Variants in THADA observed in about 807,000 individuals in gnomAD.
The protein encoded by THADA is THADA armadillo repeat containing, also known as tRNA (32-2'-O)-methyltransferase regulator THADA.
A neutral mutation model predicts 219.8 loss-of-function variants in THADA; 213 were observed. That is an observed-to-expected ratio of 0.97 (90% CI 0.87 to 1.09). The LOEUF is 1.09. Ranked by LOEUF, THADA falls within the 50% of genes least tolerant of loss-of-function variation. The pLI is 0.00. For missense variants in THADA, 2,956 were observed against 2,311.3 expected (o/e 1.28, Z -5.72); for synonymous variants, 1,018 against 828.9 (o/e 1.23, Z -3.92).
At chr2:43,428,916 A>G (rs920133663) in intron 27 of THADA, among the ~76,000 whole-genome samples, 1 of 152,216 alleles carries the variant, frequency 6.6e-6, no homozygotes, top group Non-Finnish European at 1.5e-5. Flanking sequence ...AGGCCAGAAA[A>G]GCACATTAGC....
intron 31 of THADA, among the ~76,000 whole-genome samples, chr2:43,293,822 G>C (rs1675038054): frequency 6.6e-6 from 1 of 152,054 alleles, no homozygotes; most frequent in Non-Finnish European, 1.5e-5. Flanking sequence ...CAAATGATGG[G>C]GTCACTGTCT....
At chr2:43,351,939 A>T (rs1388410578) in intron 29 of THADA, among the ~76,000 whole-genome samples, 1 of 152,252 alleles carries the variant, frequency 6.6e-6, no homozygotes, top group Non-Finnish European at 1.5e-5. Context: ...AGCTGTTCGT[A>T]AGGGCAAGGT....
intron 36 of THADA, among the ~76,000 whole-genome samples, chr2:43,245,257 C>A (rs1450313652): frequency 6.8e-6 from 1 of 146,692 alleles, no homozygotes; most frequent in African/African-American, 2.6e-5. Flanking sequence ...ACTGCAACCT[C>A]TGCCTTGTGG....
rs1285893961 is a variant in THADA, at chr2:43,333,467, T to TA, written c.4343+10654dup. Among the ~76,000 whole-genome samples the TA allele has an allele frequency of 2.7e-3, 362 of 132,742 alleles. 3 individuals are homozygous for TA. Among genetic ancestry groups the TA allele is most frequent in the South Asian group, 0.017 (70 of 4,198 alleles). 87.1% of individuals were successfully genotyped at this position (132,742 alleles called of 152,430 possible). A position where few individuals can be genotyped will look rare whatever the true frequency, so the allele number is the denominator to read the frequency against. ...GTTACTACCTCTTCCATTTTTTTCC[T>TA]AAAAAAAAAAAATAACTTTTTCTAA... On this transcript the variant is annotated intron_variant, in intron 30 of 37. Transcript: ENST00000405975.
intron 36 of THADA, among the ~76,000 whole-genome samples, chr2:43,250,021 T>C (rs1669652530): frequency 6.6e-6 from 1 of 152,140 alleles, no homozygotes; most frequent in Non-Finnish European, 1.5e-5. Flanking sequence ...GTCAAAGAAT[T>C]ACCATGTGAC....
chr2:43,232,163 C>T (rs1351491572), intron 37 of THADA, among the ~76,000 whole-genome samples: 2 of 151,898 alleles, frequency 1.3e-5, no homozygotes, highest in African/African-American at 4.8e-5. Context: ...CCAGGGGCTT[C>T]TTTTTTTCTT....
At chr2:43,562,051 A>G (rs1698132044) in intron 15 of THADA, among the ~76,000 whole-genome samples, 1 of 152,092 alleles carries the variant, frequency 6.6e-6, no homozygotes, top group African/African-American at 2.4e-5. Context: ...TACATTGACT[A>G]TTATTCTTAA....
intron 26 of THADA, chr2:43,484,242 G>C (rs1682043914): frequency 1.2e-5 from 2 of 164,548 alleles, no homozygotes; most frequent in African/African-American, 4.8e-5. Context: ...TACCATAGTA[G>C]GTTTCATTAG....
At chr2:43,406,017 C>T (rs1316689385) in intron 28 of THADA, among the ~76,000 whole-genome samples, 3 of 152,354 alleles carry the variant, frequency 2.0e-5, no homozygotes, top group South Asian at 4.1e-4. Context: ...CTCCCAGTGA[C>T]CCAGGCTGAC....
At chr2:43,252,841 A>C (rs1669939451) in intron 36 of THADA, among the ~76,000 whole-genome samples, 2 of 152,304 alleles carry the variant, frequency 1.3e-5, no homozygotes, top group African/African-American at 2.4e-5. Context: ...CTGCTGATGA[A>C]GCTGTCTATA....
chr2:43,262,506 T>C lies in THADA; in HGVS notation c.5296+17259A>G, dbSNP rs541975168. Among the ~76,000 whole-genome samples, 78 of 152,280 alleles carry C rather than the reference T, an allele frequency of 5.1e-4. 1 individual carries two copies. The highest frequency in any genetic ancestry group is 1.6e-3 in the African/African-American group (65 of 41,568). ...CTCATATGGAATGGACTGCAGTCAC[T>C]TGAGAGAGAAAAAAACTTCCACTGT... On this transcript the variant is annotated intron_variant, in intron 36 of 37. Coordinates refer to ENST00000405975, the MANE Select transcript of THADA (RefSeq NM_022065.5).
intron 28 of THADA, among the ~76,000 whole-genome samples, chr2:43,426,610 G>T (rs909007814): frequency 4.4e-4 from 67 of 152,300 alleles, no homozygotes; most frequent in African/African-American, 1.6e-3. Flanking sequence ...AGTCATCTCT[G>T]TGATCAAAGA....
At chr2:43,549,153 T>C (rs1696447355) in intron 20 of THADA, 57 bp downstream of exon 20, 1 of 1,376,426 alleles carries the variant, frequency 7.3e-7, no homozygotes, top group Admixed American at 3.1e-5. Context: ...AAGGGCATTC[T>C]GTACATTTTA....
intron 26 of THADA, among the ~76,000 whole-genome samples, chr2:43,430,991 C>G (rs1659746578): frequency 6.6e-6 from 1 of 152,158 alleles, no homozygotes. Context: ...TAAGAATTAT[C>G]TTTTTCAACT....
chr2:43,481,559 T>C (rs1686227908), intron 26 of THADA, among the ~76,000 whole-genome samples: 1 of 152,222 alleles, frequency 6.6e-6, no homozygotes. Context: ...AATTCTACCA[T>C]TTATAAATTT....
intron 28 of THADA, among the ~76,000 whole-genome samples, chr2:43,409,542 C>A (rs1037637143): frequency 1.1e-4 from 16 of 152,064 alleles, no homozygotes; most frequent in Non-Finnish European, 1.8e-4. Flanking sequence ...CTGAGAAAGT[C>A]TGACATCCTC....
intron 29 of THADA, among the ~76,000 whole-genome samples, chr2:43,350,242 G>A (rs529019398): frequency 3.3e-5 from 5 of 152,250 alleles, no homozygotes; most frequent in Admixed American, 1.3e-4. Flanking sequence ...CAGATTGAAA[G>A]GGGGTAAAAG....
intron 15 of THADA, 93 bp from the exon 16 acceptor site, chr2:43,560,478 C>A (rs1241854090): frequency 5.6e-6 from 5 of 898,938 alleles, no homozygotes; most frequent in Non-Finnish European, 7.9e-6. Flanking sequence ...AAAATAAGTA[C>A]CAAAAAACCA....
At chr2:43,348,382 TTTTG>T (rs1192317135) in intron 29 of THADA, among the ~76,000 whole-genome samples, 1 of 152,198 alleles carries the variant, frequency 6.6e-6, no homozygotes, top group South Asian at 2.1e-4. Context: ...TCTTAGGCTT[TTTTG>T]TTTGTTTGTT....
Sources: allele counts gnomAD v4.1 joint callset (sites outside exome capture counted in the v4.1 genomes callset), GRCh38; gene constraint gnomAD v4.1.1; transcripts MANE v1.5; gene names NCBI Gene and HGNC (gene_info 2026-07-23, HGNC 2026-07-21).